Variants in DGKI observed in about 807,000 individuals in gnomAD.
DGKI encodes DAG kinase iota.
DGKI carries 55 observed loss-of-function variants against 147.5 expected under a neutral mutation model. The observed-to-expected ratio is 0.37, with a 90% CI of 0.30 to 0.47. DGKI has a LOEUF of 0.47. Ranked by LOEUF, DGKI falls within the 20% of genes least tolerant of loss-of-function variation. DGKI has a pLI of 1.00. For missense variants in DGKI, 1,007 were observed against 1,323.8 expected (o/e 0.76, Z 3.71); for synonymous variants, 469 against 477.1 (o/e 0.98, Z 0.22).
chr7:137,732,072 A>G (rs1489444450), intron 1 of DGKI, among the ~76,000 whole-genome samples: 1 of 152,106 alleles, frequency 6.6e-6, no homozygotes, highest in Non-Finnish European at 1.5e-5. Flanking sequence ...GTCATCTGTA[A>G]CATGGATCTC....
intron 18 of DGKI, 106 bp from the exon 19 acceptor site, chr7:137,571,392 A>C (rs1015432818): frequency 1.3e-6 from 1 of 754,920 alleles, no homozygotes; most frequent in African/African-American, 1.9e-5. Flanking sequence ...ACATAAAAAC[A>C]GTTTTCCATT....
rs1385320356 is a variant in DGKI at position 137,846,120 on chromosome 7, T to TTC, written c.401+340_401+341dup. The stretch of plus-strand genomic sequence containing the variant: ...TAAGCATCACTGAGTCTGCAACCCT[T>TTC]TCTCTCTCTCTCTTTCTCTCTCTCT... On this transcript the variant is annotated intron_variant, in intron 1 of 32. Transcript: ENST00000614521. The surrounding 1 kb of genome is among the most constrained non-coding windows in gnomAD (Gnocchi z 4.0). Among the ~76,000 whole-genome samples the TTC allele has an allele frequency of 1.2e-4, 5 of 40,010 alleles. No individual in the cohort carries two copies. Among genetic ancestry groups the TTC allele is most frequent in the East Asian group, 2.2e-3 (2 of 924 alleles). 26.2% of individuals were successfully genotyped at this position (40,010 alleles called of 152,430 possible).
At chr7:137,552,845 G>A (rs913725582) in intron 19 of DGKI, among the ~76,000 whole-genome samples, 2 of 152,098 alleles carry the variant, frequency 1.3e-5, no homozygotes, top group Non-Finnish European at 2.9e-5. Context: ...AACCTGGGAG[G>A]CAGAGGTTGC....
intron 21 of DGKI, among the ~76,000 whole-genome samples, chr7:137,499,200 T>C (rs1816081919): frequency 6.6e-6 from 1 of 152,164 alleles, no homozygotes; most frequent in South Asian, 2.1e-4. Flanking sequence ...GAATGGCAAA[T>C]ACAACGAGTA....
At chr7:137,816,032 T>C (rs887325827) in intron 1 of DGKI, among the ~76,000 whole-genome samples, 19 of 152,180 alleles carry the variant, frequency 1.2e-4, no homozygotes, top group African/African-American at 4.6e-4. Context: ...ACCATTCTCT[T>C]GAATGAGAGA....
chr7:137,674,996 G>A (rs9656489), intron 3 of DGKI, among the ~76,000 whole-genome samples: 3,126 of 152,282 alleles, frequency 0.021, 94 homozygotes, highest in African/African-American at 0.073. Flanking sequence ...CCTGGTTATG[G>A]TAATTTAGTC....
At position 137,722,136 on chromosome 7, in the gene DGKI, T is replaced by C. The variant is rs999997700; in HGVS notation, c.402-32134A>G. 7 of 1,598,966 alleles carry C rather than the reference T, an allele frequency of 4.4e-6. No individual in the cohort carries two copies. The African/African-American group carries it at 8.0e-5, about 18-fold the overall frequency. On this transcript the variant is annotated intron_variant, in intron 1 of 32. Transcript: ENST00000614521. The stretch of plus-strand genomic sequence containing the variant: ...CCCATTGCAGCCGCAACCCTGTCAT[T>C]GTCAGAGGAATTGGCAGGTATTCCC...
chr7:137,612,620 C>T (rs1035429335), intron 8 of DGKI, among the ~76,000 whole-genome samples: 4 of 152,048 alleles, frequency 2.6e-5, no homozygotes, highest in African/African-American at 9.7e-5. Flanking sequence ...TCTACAGGAT[C>T]GCTTATCCTG....
intron 6 of DGKI, 78 bp downstream of exon 6, chr7:137,645,394 G>A: frequency 1.6e-6 from 2 of 1,239,346 alleles, no homozygotes; most frequent in East Asian, 2.3e-5. Context: ...TGGATTTGGG[G>A]ACAGGACTCA....
intron 21 of DGKI, chr7:137,493,936 T>C: frequency 3.4e-6 from 2 of 580,210 alleles, no homozygotes; most frequent in Non-Finnish European, 3.1e-6. Context: ...AAGAATACAA[T>C]AAAATGATAC....
chr7:137,686,309 G>A (rs545533713), intron 2 of DGKI, among the ~76,000 whole-genome samples: 1 of 152,262 alleles, frequency 6.6e-6, no homozygotes, highest in African/African-American at 2.4e-5. Flanking sequence ...TTTTCATACT[G>A]GGTAGAGCCC....
At chr7:137,478,957 T>C (rs1815274140) in intron 23 of DGKI, among the ~76,000 whole-genome samples, 1 of 152,206 alleles carries the variant, frequency 6.6e-6, no homozygotes, top group Non-Finnish European at 1.5e-5. Context: ...TGACAGTAGA[T>C]ACTGAAGCAA....
chr7:137,410,896 CT>C (rs776040332), intron 29 of DGKI, among the ~76,000 whole-genome samples: 1 of 152,216 alleles, frequency 6.6e-6, no homozygotes, highest in Non-Finnish European at 1.5e-5. Flanking sequence ...GCACTCTTCT[CT>C]TCTGGGTAAC....
At chr7:137,711,432 TA>T (rs1794210071) in intron 1 of DGKI, among the ~76,000 whole-genome samples, 1 of 152,182 alleles carries the variant, frequency 6.6e-6, no homozygotes, top group Non-Finnish European at 1.5e-5. Context: ...ATAAATGAAC[TA>T]CAGTTGCATA....
chr7:137,761,167 T>C (rs1795845449), intron 1 of DGKI, among the ~76,000 whole-genome samples: 1 of 152,204 alleles, frequency 6.6e-6, no homozygotes, highest in Non-Finnish European at 1.5e-5. Context: ...GGTGGTTTGC[T>C]TCAGGACCAT....
intron 15 of DGKI, among the ~76,000 whole-genome samples, chr7:137,578,980 TA>T (rs747171472): frequency 6.6e-6 from 1 of 152,226 alleles, no homozygotes; most frequent in Non-Finnish European, 1.5e-5. Flanking sequence ...TGATGGGCTA[TA>T]TTTACATCTG....
Position 137,647,922 on chromosome 7 carries a change from T to C in DGKI, c.739-2385A>G, listed in dbSNP as rs554930752. The stretch of plus-strand genomic sequence containing the variant: ...CTCATTTTACAGATAAGGAAACTAA[T>C]GCATAGAAGTGGTTACTCAAAATGT... On this transcript the variant is annotated intron_variant, in intron 5 of 32. Transcript: ENST00000614521. Among the ~76,000 whole-genome samples, 7 of 152,298 alleles carry C rather than the reference T, an allele frequency of 4.6e-5. 1 individual carries two copies. The highest frequency in any genetic ancestry group is 9.6e-5 in the African/African-American group (4 of 41,566).
intron 1 of DGKI, among the ~76,000 whole-genome samples, chr7:137,746,145 G>GT (rs1392199242): frequency 6.6e-6 from 1 of 152,022 alleles, no homozygotes; most frequent in Non-Finnish European, 1.5e-5. Context: ...TGTTTTGGAG[G>GT]TTTTTTTGGT....
chr7:137,578,958 G>A (rs1287580758), intron 15 of DGKI, among the ~76,000 whole-genome samples: 1 of 152,176 alleles, frequency 6.6e-6, no homozygotes, highest in Admixed American at 6.5e-5. Flanking sequence ...GTTATGCTGA[G>A]AAGTGTCCAT....
Sources: allele counts gnomAD v4.1 joint callset (sites outside exome capture counted in the v4.1 genomes callset), GRCh38; gene constraint gnomAD v4.1.1; non-coding constraint Gnocchi (gnomAD v3.1); transcripts MANE v1.5; gene names NCBI Gene and HGNC (gene_info 2026-07-23, HGNC 2026-07-21).